The following CMSS1 variants were observed in gnomAD, a reference collection of about 807,000 sequenced individuals.
The protein encoded by CMSS1 is cms1 ribosomal small subunit homolog.
A neutral mutation model predicts 43.5 loss-of-function variants in CMSS1; 33 were observed. The ratio of observed to expected loss-of-function variants is 0.76; its 90% CI spans 0.57 to 1.01. The LOEUF is 1.01. Among genes scored for constraint, CMSS1 ranks in the 50% least tolerant of loss-of-function variants. CMSS1 has a pLI of 0.00. For missense variants in CMSS1, 313 were observed against 326.4 expected (o/e 0.96, Z 0.32); for synonymous variants, 115 against 117.2 (o/e 0.98, Z 0.12).
At chr3:100,046,643 G>C (rs941542817) in intron 1 of CMSS1, among the ~76,000 whole-genome samples, 29 of 152,114 alleles carry the variant, frequency 1.9e-4, no homozygotes, top group African/African-American at 6.0e-4. Flanking sequence ...GACCTGGCCT[G>C]GGCAAAATCA....
intron 1 of CMSS1, among the ~76,000 whole-genome samples, chr3:99,857,014 ATGAG>A (rs1188977790): frequency 2.0e-5 from 3 of 152,220 alleles, no homozygotes; most frequent in Non-Finnish European, 4.4e-5. Context: ...TGAGAACAGG[ATGAG>A]TATCACTGTC....
intron 1 of CMSS1, among the ~76,000 whole-genome samples, chr3:99,941,053 ACTT>A (rs1559697244): frequency 6.6e-6 from 1 of 152,180 alleles, no homozygotes; most frequent in African/African-American, 2.4e-5. Context: ...AAGTTTAATA[ACTT>A]CTTGCCTCTG....
chr3:99,878,776 C>A (rs534373168), intron 1 of CMSS1, among the ~76,000 whole-genome samples: 10 of 152,308 alleles, frequency 6.6e-5, no homozygotes, highest in African/African-American at 1.9e-4. Context: ...TTAACTGATA[C>A]AAGAGTACCC....
chr3:100,094,172 C>T (rs1384561219), intron 1 of CMSS1, among the ~76,000 whole-genome samples: 3 of 152,108 alleles, frequency 2.0e-5, no homozygotes, highest in African/African-American at 7.2e-5. Flanking sequence ...TTGCATTTCC[C>T]TAGCAGTTAA....
At chr3:100,008,464 A>G (rs1710051175) in intron 1 of CMSS1, among the ~76,000 whole-genome samples, 2 of 152,202 alleles carry the variant, frequency 1.3e-5, no homozygotes, top group Non-Finnish European at 2.9e-5. Flanking sequence ...AGTCATTGGT[A>G]TCCTGCAATT....
In CMSS1 at chr3:99,848,465, T is replaced by A; in HGVS notation, c.64+30422T>A. On this transcript the variant is annotated intron_variant, in intron 1 of 9. Coordinates refer to ENST00000421999, the MANE Select transcript of CMSS1 (RefSeq NM_032359.4). ...CTCACAGGGCTGGCTACAGCTTGCA[T>A]GTAAGGACTTCCTAAGTGAATGTGG... 1 of 1,614,192 alleles carries A rather than the reference T, an allele frequency of 6.2e-7. No individual in the cohort carries two copies. The highest frequency in any genetic ancestry group is 8.5e-7 in the Non-Finnish European group (1 of 1,180,016).
chr3:99,914,175 A>G (rs1230779953), intron 1 of CMSS1, among the ~76,000 whole-genome samples: 2 of 152,318 alleles, frequency 1.3e-5, no homozygotes, highest in African/African-American at 2.4e-5. Context: ...GTTGCCAAAT[A>G]TGTCATGTGG....
At chr3:100,012,916 G>A (rs1415093730) in intron 1 of CMSS1, among the ~76,000 whole-genome samples, 1 of 151,926 alleles carries the variant, frequency 6.6e-6, no homozygotes, top group Non-Finnish European at 1.5e-5. Flanking sequence ...TAGGATTACA[G>A]ACTGTGCCAC....
chr3:100,074,901 C>T (rs547148693), intron 1 of CMSS1, among the ~76,000 whole-genome samples: 2 of 151,804 alleles, frequency 1.3e-5, no homozygotes, highest in African/African-American at 2.4e-5. Context: ...GCCGTGTTGG[C>T]CAGGCTGGTC....
chr3:100,147,186 C>G, intron 2 of CMSS1, 125 bp downstream of exon 2: 1 of 1,015,918 alleles, frequency 9.8e-7, no homozygotes, highest in Non-Finnish European at 1.3e-6. Flanking sequence ...CTTTTACTTT[C>G]TTTCCCTTTG....
intron 1 of CMSS1, among the ~76,000 whole-genome samples, chr3:99,913,706 G>A (rs1444624037): frequency 6.6e-6 from 1 of 152,170 alleles, no homozygotes; most frequent in African/African-American, 2.4e-5. Context: ...TATCTTTGAG[G>A]AGTAGGAAGT....
At chr3:99,930,684 A>G (rs190716277) in intron 1 of CMSS1, 2 of 1,429,110 alleles carry the variant, frequency 1.4e-6, no homozygotes, top group East Asian at 2.3e-5. Flanking sequence ...AACCACAGAT[A>G]TCTATTTCTG....
intron 1 of CMSS1, among the ~76,000 whole-genome samples, chr3:99,872,654 T>C (rs562096158): frequency 2.0e-5 from 3 of 152,262 alleles, no homozygotes; most frequent in South Asian, 4.1e-4. Context: ...TTGGAGCCAG[T>C]AGAGCATAGA....
At position 99,848,762 on chromosome 3, in the gene CMSS1, C is replaced by T. The variant is rs371787329; in HGVS notation, c.64+30719C>T. 1.1e-5 allele frequency: 17 copies of T among 1,614,024 alleles called. No individual in the cohort carries two copies. The East Asian group carries it at 1.1e-4, about 11-fold the overall frequency. On this transcript the variant is annotated intron_variant, in intron 1 of 9. Transcript: ENST00000421999. Reference sequence around the variant, plus strand: ...GTTGCCATGGTAATTGGGGACATGCCTTGTTCTAAATTCATGAGGTCTTCG... The same window carrying T: ...GTTGCCATGGTAATTGGGGACATGCTTTGTTCTAAATTCATGAGGTCTTCG...
chr3:100,097,765 G>A (rs1308966228), intron 1 of CMSS1, among the ~76,000 whole-genome samples: 1 of 152,142 alleles, frequency 6.6e-6, no homozygotes, highest in Non-Finnish European at 1.5e-5. Context: ...ATATCACAAA[G>A]ACTACTTGGT....
In CMSS1 at chr3:100,009,308, T is replaced by G. The variant is rs140944333; in HGVS notation, c.65-137665T>G. ...TGTCCTGAAACAAAATGGCAGCCAA[T>G]ATAAATTTCCCCATAATTTCACTGA... On this transcript the variant is annotated intron_variant, in intron 1 of 9. Coordinates refer to ENST00000421999, the MANE Select transcript of CMSS1 (RefSeq NM_032359.4). 1.9e-4 allele frequency among the ~76,000 whole-genome samples: 29 copies of G among 152,298 alleles called. No homozygotes were observed. In the East Asian group the frequency reaches 3.9e-3, roughly 20 times the overall value.
chr3:100,115,647 C>T (rs1576081791), intron 1 of CMSS1, among the ~76,000 whole-genome samples: 1 of 133,328 alleles, frequency 7.5e-6, no homozygotes, highest in South Asian at 2.5e-4. Flanking sequence ...CTCTCATCCT[C>T]CTTTCCACCC....
At chr3:99,894,868 A>G (rs1197192544) in intron 1 of CMSS1, among the ~76,000 whole-genome samples, 1 of 152,184 alleles carries the variant, frequency 6.6e-6, no homozygotes, top group Non-Finnish European at 1.5e-5. Flanking sequence ...ATTCTTGCAA[A>G]CGTATAGAGT....
chr3:99,933,394 T>G (rs1410631321), intron 1 of CMSS1, among the ~76,000 whole-genome samples: 1 of 152,260 alleles, frequency 6.6e-6, no homozygotes, highest in East Asian at 1.9e-4. Flanking sequence ...TATTTTTGTG[T>G]AGGAATGGGA....
Sources: gnomAD v4.1 joint callset for allele counts (sites outside exome capture counted in the v4.1 genomes callset) on GRCh38, gnomAD v4.1.1 for gene constraint, MANE v1.5 for transcripts, NCBI Gene and HGNC (gene_info 2026-07-23, HGNC 2026-07-21) for gene names.